PPARGC1A: variants seen among roughly 807,000 people sequenced by gnomAD.
The protein encoded by PPARGC1A is PPARG coactivator 1 alpha, also known as peroxisome proliferator-activated receptor gamma coactivator 1-alpha.
In PPARGC1A, 25 loss-of-function variants were observed where a neutral mutation model predicts 88.7. The ratio of observed to expected loss-of-function variants is 0.28; its 90% CI spans 0.21 to 0.39. The LOEUF is 0.39. Among genes scored for constraint, PPARGC1A ranks in the 10% least tolerant of loss-of-function variants. PPARGC1A has a pLI of 1.00. For missense variants in PPARGC1A, 880 were observed against 968.7 expected (o/e 0.91, Z 1.22); for synonymous variants, 363 against 355.6 (o/e 1.02, Z -0.24).
At chr4:23,907,478 C>T (rs1276059956), upstream of PPARGC1A, among the ~76,000 whole-genome samples, 2 of 152,166 alleles carry the variant, frequency 1.3e-5, no homozygotes, top group Non-Finnish European at 2.9e-5. Context: ...GTTGTGAAGG[C>T]TGTGCATTCA....
the PPARGC1A span, among the ~76,000 whole-genome samples, chr4:23,978,863 A>G: frequency 6.6e-6 from 1 of 152,236 alleles, no homozygotes; most frequent in Non-Finnish European, 1.5e-5. Flanking sequence ...CAGATGAACA[A>G]AAGCTTCTTC....
the PPARGC1A span, among the ~76,000 whole-genome samples, chr4:24,103,434 G>A: frequency 3.5e-4 from 54 of 152,118 alleles, no homozygotes; most frequent in Non-Finnish European, 1.2e-4. Flanking sequence ...AGGTGTGTAG[G>A]ATACAGAAAA....
chr4:24,235,696 A>G, the PPARGC1A span, among the ~76,000 whole-genome samples: 1 of 152,226 alleles, frequency 6.6e-6, no homozygotes, highest in South Asian at 2.1e-4. Context: ...AAAGGCAAGG[A>G]GTTAGCCAAA....
chr4:24,408,062 A>G, the PPARGC1A span, among the ~76,000 whole-genome samples: 1 of 152,224 alleles, frequency 6.6e-6, no homozygotes, highest in Non-Finnish European at 1.5e-5. Flanking sequence ...ATGCAATTAG[A>G]CATACACACC....
the PPARGC1A span, among the ~76,000 whole-genome samples, chr4:24,309,435 T>G: frequency 6.6e-6 from 1 of 152,032 alleles, no homozygotes. Flanking sequence ...ATGGGAAAAG[T>G]GGCCAGGGTG....
the PPARGC1A span, among the ~76,000 whole-genome samples, chr4:23,981,707 T>G: frequency 6.6e-6 from 1 of 152,200 alleles, no homozygotes; most frequent in African/African-American, 2.4e-5. Flanking sequence ...ACTTTGTAAT[T>G]TCCCCATGTG....
the PPARGC1A span, among the ~76,000 whole-genome samples, chr4:24,201,432 C>A: frequency 6.6e-6 from 1 of 152,214 alleles, no homozygotes; most frequent in Non-Finnish European, 1.5e-5. Flanking sequence ...TGTTCACGAG[C>A]AGAGTCAGCC....
chr4:24,133,592 C>T, the PPARGC1A span, among the ~76,000 whole-genome samples: 1 of 152,124 alleles, frequency 6.6e-6, no homozygotes, highest in Admixed American at 6.6e-5. Flanking sequence ...AAAATACAAC[C>T]ATTTGGGGAG....
chr4:24,104,450 C>G, the PPARGC1A span, among the ~76,000 whole-genome samples: 1 of 152,134 alleles, frequency 6.6e-6, no homozygotes, highest in African/African-American at 2.4e-5. Context: ...AGCTCAGATT[C>G]AATTCACTGA....
chr4:24,323,703 C>A, the PPARGC1A span, among the ~76,000 whole-genome samples: 1 of 152,210 alleles, frequency 6.6e-6, no homozygotes, highest in Non-Finnish European at 1.5e-5. Flanking sequence ...TCTCTTCACA[C>A]GGACGTGCAT....
chr4:23,941,562 G>A, the PPARGC1A span, among the ~76,000 whole-genome samples: 2 of 152,162 alleles, frequency 1.3e-5, no homozygotes, highest in Admixed American at 1.3e-4. Context: ...GGGACTTACA[G>A]TTTATTTCAT....
intron 7 of PPARGC1A, among the ~76,000 whole-genome samples, chr4:23,822,166 G>T (rs926057656): frequency 6.6e-6 from 1 of 152,108 alleles, no homozygotes; most frequent in Non-Finnish European, 1.5e-5. Flanking sequence ...ATCCAGGAGG[G>T]AAAGTGTGTG....
the PPARGC1A span, among the ~76,000 whole-genome samples, chr4:24,359,640 T>A: frequency 5.1e-4 from 77 of 152,256 alleles, no homozygotes; most frequent in African/African-American, 1.8e-3. Flanking sequence ...TCATACTGGT[T>A]CAAGATGGGC....
chr4:24,445,839 G>A, the PPARGC1A span, among the ~76,000 whole-genome samples: 4 of 152,216 alleles, frequency 2.6e-5, no homozygotes, highest in Non-Finnish European at 4.4e-5. Flanking sequence ...AGGCTGAGGC[G>A]GGCGGATCGC....
chr4:24,366,730 G>A, the PPARGC1A span, among the ~76,000 whole-genome samples: 9 of 152,104 alleles, frequency 5.9e-5, no homozygotes, highest in South Asian at 4.2e-4. Flanking sequence ...GCTATTTTCC[G>A]TCATCACCCC....
At chr4:23,929,995 A>G in the PPARGC1A span, among the ~76,000 whole-genome samples, 454 of 152,216 alleles carry the variant, frequency 3.0e-3, 2 homozygotes, top group African/African-American at 0.011. Flanking sequence ...GCTGATATTC[A>G]ACCTCTCCTA....
At chr4:24,369,576 A>G in the PPARGC1A span, among the ~76,000 whole-genome samples, 1 of 149,744 alleles carries the variant, frequency 6.7e-6, no homozygotes, top group South Asian at 2.1e-4. Context: ...GAGAGAACAG[A>G]AAAAAAAAAT....
the PPARGC1A span, among the ~76,000 whole-genome samples, chr4:24,079,632 T>A: frequency 4.6e-5 from 7 of 152,058 alleles, no homozygotes; most frequent in African/African-American, 1.7e-4. Context: ...TTGTCACTCT[T>A]TTTTCATTTA....
the PPARGC1A span, among the ~76,000 whole-genome samples, chr4:24,229,132 T>C: frequency 2.8e-5 from 4 of 142,832 alleles, no homozygotes; most frequent in East Asian, 8.5e-4. Context: ...TGATTATGGA[T>C]GAAGCTTGGG....
Sources: gnomAD v4.1 joint callset for allele counts (sites outside exome capture counted in the v4.1 genomes callset) on GRCh38, gnomAD v4.1.1 for gene constraint, MANE v1.5 for transcripts, NCBI Gene and HGNC (gene_info 2026-07-23, HGNC 2026-07-21) for gene names.